Variants in IL16 observed in about 807,000 individuals in gnomAD.
IL16 encodes pro-interleukin-16.
A neutral mutation model predicts 110.1 loss-of-function variants in IL16; 67 were observed. The observed-to-expected ratio is 0.61, with a 90% CI of 0.50 to 0.75. The LOEUF (loss-of-function observed/expected upper bound fraction) is 0.75, where lower values mean the gene tolerates loss of function less well. Ranked by LOEUF, IL16 falls within the 30% of genes least tolerant of loss-of-function variation. The pLI, the probability that IL16 is intolerant of heterozygous loss-of-function variation, is 0.00. For synonymous variants in IL16, 689 were observed against 662.9 expected, an observed-to-expected ratio of 1.04 and a Z score of -0.61; for missense variants, 1,545 against 1,655.0, an observed-to-expected ratio of 0.93 and a Z score of 1.15.
chr15:81,313,271 C>A lies in IL16; in HGVS notation c.*4473C>A. The stretch of plus-strand genomic sequence containing the variant: ...AACGATAGCATTACTCATGGAATTG[C>A]TTCACTGCTTTCTGAAGGTTGGCAT... On this transcript the variant is annotated 3_prime_UTR_variant, in exon 19 of 19. Transcript: ENST00000683961. The A allele has an allele frequency of 6.4e-7, 1 of 1,573,560 alleles. No homozygotes were observed. The highest frequency in any genetic ancestry group is 8.6e-7 in the Non-Finnish European group (1 of 1,160,146).
At chr15:81,234,884 G>A (rs28434692) in intron 2 of IL16, among the ~76,000 whole-genome samples, 4,307 of 152,206 alleles carry the variant, frequency 0.028, 213 homozygotes, top group African/African-American at 0.099. Flanking sequence ...ATAAGAACTT[G>A]GATGGCCAAG....
chr15:81,237,443 T>C (rs1459059694), intron 2 of IL16, among the ~76,000 whole-genome samples: 4 of 152,236 alleles, frequency 2.6e-5, no homozygotes, highest in Non-Finnish European at 5.9e-5. Context: ...TCATAGTTTA[T>C]TATTTTAAGA....
At position 81,290,521 on chromosome 15, in the gene IL16, G is replaced by T; in HGVS notation, c.1401G>T (p.Arg467Ser). The T allele has an allele frequency of 6.2e-7, 1 of 1,612,536 alleles. No individual in the cohort carries two copies. Among genetic ancestry groups the T allele is most frequent in the South Asian group, 1.1e-5 (1 of 90,930 alleles). ...AAAACACCAAGTTTGGAAAGGAGAG[G>T]CATCAGTGGAGTCTGGAAGGTAAGA... ...AVENTKFGKE[R>S]HQWSLEGVKR... Residue 467 changes from arginine to serine, a missense_variant, in exon 11 of 19, where the codon AGG becomes AGT. Physicochemically the swap from Arg to Ser is moderately radical, Grantham distance 110 (BLOSUM62 -1). Around this residue, in one of 3 missense-constraint regions of IL16, gnomAD observed 1,185 missense variants for 1,238.8 expected, o/e 0.96. Coordinates refer to ENST00000683961, the MANE Select transcript of IL16 (RefSeq NM_172217.5).
chr15:81,275,362 G>GC (rs1384914820), intron 6 of IL16, among the ~76,000 whole-genome samples: 1 of 102,512 alleles, frequency 9.8e-6, no homozygotes, highest in African/African-American at 4.4e-5. Context: ...GGGGAGGAGG[G>GC]GGGGGAGGGG....
In IL16 at chr15:81,249,389, T is replaced by G. The variant is rs1223325524; in HGVS notation, c.313-10383T>G. ...GGAATTTCTTTTAGTGAGAGTATAT[T>G]GGTGGCAAACTCCCTTGGGATTTTT... is the stretch of plus-strand genomic sequence containing the variant. On this transcript the variant is annotated intron_variant, in intron 2 of 18. Transcript: ENST00000683961. Among the ~76,000 whole-genome samples the G allele has an allele frequency of 2.6e-5, 4 of 152,260 alleles. No homozygotes were observed. The East Asian group carries it at 5.8e-4, about 22-fold the overall frequency.
intron 2 of IL16, among the ~76,000 whole-genome samples, chr15:81,240,618 G>GTT (rs1897309103): frequency 2.0e-5 from 3 of 151,936 alleles, no homozygotes; most frequent in Non-Finnish European, 4.4e-5. Flanking sequence ...AACGTTGTAC[G>GTT]TATATAAACC....
At chr15:81,244,463 A>G (rs1897465036) in intron 2 of IL16, among the ~76,000 whole-genome samples, 1 of 152,102 alleles carries the variant, frequency 6.6e-6, no homozygotes, top group Non-Finnish European at 1.5e-5. Flanking sequence ...TTTTTGCTAC[A>G]TAAAGGACCT....
intron 6 of IL16, among the ~76,000 whole-genome samples, chr15:81,274,241 G>C (rs1898792013): frequency 6.6e-6 from 1 of 152,180 alleles, no homozygotes; most frequent in East Asian, 1.9e-4. Context: ...CCCACCGCCT[G>C]TTTTCAATGT....
intron 18 of IL16, among the ~76,000 whole-genome samples, chr15:81,308,081 G>A (rs996635233): frequency 6.6e-6 from 1 of 152,174 alleles, no homozygotes; most frequent in Non-Finnish European, 1.5e-5. Flanking sequence ...TGAAATAGTG[G>A]GGGCCATATA....
intron 1 of IL16, among the ~76,000 whole-genome samples, chr15:81,211,051 T>TTTTG (rs570068987): frequency 0.013 from 1,981 of 151,996 alleles, 45 homozygotes; most frequent in Middle Eastern, 0.044. Flanking sequence ...TTTTTGGGTT[T>TTTTG]TTTGTTTGTT....
chr15:81,283,422 A>G (rs1263316400), intron 9 of IL16, among the ~76,000 whole-genome samples: 1 of 152,004 alleles, frequency 6.6e-6, no homozygotes, highest in Non-Finnish European at 1.5e-5. Context: ...CGTGTTCCTC[A>G]AAGTGTGGTC....
intron 2 of IL16, among the ~76,000 whole-genome samples, chr15:81,226,680 A>G (rs936722146): frequency 1.3e-5 from 2 of 152,224 alleles, no homozygotes; most frequent in African/African-American, 4.8e-5. Context: ...CAGCATCCTT[A>G]AGAGCCTCAC....
At chr15:81,232,772 T>C (rs1207210479) in intron 2 of IL16, among the ~76,000 whole-genome samples, 2 of 152,222 alleles carry the variant, frequency 1.3e-5, no homozygotes, top group African/African-American at 4.8e-5. Context: ...TAATATTTTG[T>C]TAGTAATTGT....
chr15:81,302,997 C>G (rs1900363070), intron 15 of IL16, among the ~76,000 whole-genome samples: 1 of 146,730 alleles, frequency 6.8e-6, no homozygotes. Flanking sequence ...CCCGTCTAGG[C>G]TAGGAAGTAC....
At chr15:81,189,520 A>G (rs1392682667) in intron 1 of IL16, among the ~76,000 whole-genome samples, 1 of 152,122 alleles carries the variant, frequency 6.6e-6, no homozygotes, top group East Asian at 1.9e-4. Flanking sequence ...CCTGGCCTCA[A>G]GTGATTCTCC....
Position 81,306,173 on chromosome 15 carries a change from TCTC to T in IL16, c.3679+9_3679+11del, listed in dbSNP as rs1900545493. On this transcript the variant is annotated splice_region_variant and intron_variant, in intron 17 of 18. Coordinates refer to ENST00000683961, the MANE Select transcript of IL16 (RefSeq NM_172217.5). ...GATGTTTCTGTAGAATCTAGTAAGT[TCTC>T]CCAACTCAGTGGAAGCCACATGGGC... The T allele has an allele frequency of 1.9e-6, 3 of 1,611,744 alleles. No homozygotes were observed. In the Admixed American group the frequency reaches 5.0e-5, roughly 27 times the overall value.
At chr15:81,243,167 T>A (rs57847176) in intron 2 of IL16, among the ~76,000 whole-genome samples, 311 of 32,156 alleles carry the variant, frequency 9.7e-3, no homozygotes, top group African/African-American at 0.038. Flanking sequence ...ATATATATTT[T>A]TTTTTTTTTT....
At chr15:81,276,699 A>C (rs1898926565) in intron 6 of IL16, among the ~76,000 whole-genome samples, 1 of 152,272 alleles carries the variant, frequency 6.6e-6, no homozygotes, top group Admixed American at 6.5e-5. Flanking sequence ...GGTAATGCCA[A>C]GGTAAGAAAT....
At chr15:81,292,504 T>C (rs954368457) in intron 11 of IL16, 52 bp from the exon 12 acceptor site, 2 of 1,612,686 alleles carry the variant, frequency 1.2e-6, no homozygotes, top group East Asian at 4.5e-5. Flanking sequence ...CCAGGGGGTA[T>C]TTCTGTTTTC....
Sources: allele counts gnomAD v4.1 joint callset (sites outside exome capture counted in the v4.1 genomes callset), GRCh38; gene constraint gnomAD v4.1.1; regional missense constraint gnomAD v4.1.1; transcripts MANE v1.5; gene names NCBI Gene and HGNC (gene_info 2026-07-23, HGNC 2026-07-21).